Variants in CPED1 observed in about 807,000 individuals in gnomAD.
CPED1 encodes the protein cadherin-like and PC-esterase domain-containing protein 1.
Under a neutral mutation model 128.2 loss-of-function variants are expected in CPED1, and 114 were observed. The ratio of observed to expected loss-of-function variants is 0.89; its 90% confidence interval spans 0.76 to 1.04. The LOEUF (loss-of-function observed/expected upper bound fraction) is 1.04. Among genes scored for constraint, CPED1 ranks in the 50% least tolerant of loss-of-function variants. The pLI is 0.00. For missense variants in CPED1, 1,211 were observed against 1,207.1 expected (o/e 1.00, Z -0.05); for synonymous variants, 462 against 426.7 (o/e 1.08, Z -1.02).
intron 22 of CPED1, among the ~76,000 whole-genome samples, chr7:121,281,491 G>A (rs1010313874): frequency 1.3e-5 from 2 of 152,062 alleles, no homozygotes; most frequent in East Asian, 3.9e-4. Context: ...CTGTACCCAC[G>A]TTTTTAATGG....
chr7:121,099,905 T>C, intron 6 of CPED1, 21 bp from the exon 7 acceptor site: 1 of 1,473,258 alleles, frequency 6.8e-7, no homozygotes, highest in Non-Finnish European at 9.0e-7. Context: ...GAGCGCTAAC[T>C]ATGTTTTTTT....
At chr7:121,201,795 AT>A (rs1461737399) in intron 16 of CPED1, among the ~76,000 whole-genome samples, 2 of 151,962 alleles carry the variant, frequency 1.3e-5, no homozygotes, top group East Asian at 1.9e-4. Context: ...TGCAGTTTAT[AT>A]TTTTTTCTTA....
intron 2 of CPED1, among the ~76,000 whole-genome samples, chr7:120,993,231 T>G (rs556742850): frequency 5.9e-5 from 9 of 152,308 alleles, no homozygotes; most frequent in African/African-American, 1.7e-4. Flanking sequence ...AGTTTAACAT[T>G]TCATAGCACA....
At chr7:121,207,959 C>T (rs1797557610) in intron 16 of CPED1, among the ~76,000 whole-genome samples, 1 of 151,958 alleles carries the variant, frequency 6.6e-6, no homozygotes, top group Non-Finnish European at 1.5e-5. Context: ...CTGGCTCCTT[C>T]CCCACCAACC....
chr7:121,075,511 A>G (rs1176894373), intron 5 of CPED1, among the ~76,000 whole-genome samples: 3 of 152,128 alleles, frequency 2.0e-5, no homozygotes, highest in Non-Finnish European at 2.9e-5. Context: ...TCTGTCACCC[A>G]GGCTGGAGTG....
chr7:121,094,508 A>G (rs546609522), intron 5 of CPED1, among the ~76,000 whole-genome samples: 22 of 152,324 alleles, frequency 1.4e-4, no homozygotes, highest in African/African-American at 5.1e-4. Context: ...CTAACCATAG[A>G]TTGGCTTAAA....
At chr7:121,152,195 T>G (rs977929189) in intron 16 of CPED1, among the ~76,000 whole-genome samples, 1 of 152,148 alleles carries the variant, frequency 6.6e-6, no homozygotes, top group African/African-American at 2.4e-5. Flanking sequence ...AGCAATGTGG[T>G]ACAGACGTTC....
At chr7:121,004,709 T>A (rs1281269922) in intron 2 of CPED1, among the ~76,000 whole-genome samples, 2 of 152,110 alleles carry the variant, frequency 1.3e-5, no homozygotes, top group African/African-American at 4.8e-5. Context: ...ATTCAGGAAT[T>A]TCTAGGGGAA....
chr7:121,097,177 T>C (rs1224502205), intron 5 of CPED1, among the ~76,000 whole-genome samples: 1 of 152,206 alleles, frequency 6.6e-6, no homozygotes, highest in Non-Finnish European at 1.5e-5. Flanking sequence ...TATTGTTCTT[T>C]ATTTTTATAT....
chr7:121,070,308 C>A (rs1040709131), intron 5 of CPED1, among the ~76,000 whole-genome samples: 1 of 151,792 alleles, frequency 6.6e-6, no homozygotes, highest in African/African-American at 2.4e-5. Flanking sequence ...AGCAAACTTT[C>A]AGAGAAGGTT....
chr7:121,005,156 G>C (rs764556789), intron 2 of CPED1, among the ~76,000 whole-genome samples: 6 of 152,114 alleles, frequency 3.9e-5, no homozygotes, highest in African/African-American at 9.7e-5. Flanking sequence ...TTTAACTCCT[G>C]CTTATGAGCG....
intron 3 of CPED1, among the ~76,000 whole-genome samples, chr7:121,035,154 A>G (rs1420135136): frequency 1.3e-5 from 2 of 152,160 alleles, no homozygotes; most frequent in Non-Finnish European, 2.9e-5. Flanking sequence ...GGGAGGGGCT[A>G]CTTCTGGGGA....
chr7:121,174,704 G>A (rs187080319), intron 16 of CPED1, among the ~76,000 whole-genome samples: 12 of 151,922 alleles, frequency 7.9e-5, no homozygotes, highest in Non-Finnish European at 1.2e-4. Context: ...TTGGTTATTC[G>A]GGCTTTTTTG....
At chr7:121,269,983 T>C (rs1307917408) in intron 21 of CPED1, among the ~76,000 whole-genome samples, 2 of 151,644 alleles carry the variant, frequency 1.3e-5, no homozygotes, top group Admixed American at 1.3e-4. Context: ...ATGACGAGAG[T>C]GACATAATGA....
At chr7:121,280,192 G>A (rs1342028524) in intron 22 of CPED1, among the ~76,000 whole-genome samples, 1 of 152,126 alleles carries the variant, frequency 6.6e-6, no homozygotes, top group African/African-American at 2.4e-5. Context: ...AGCAAAAGAG[G>A]AATTAGCTTA....
At chr7:121,178,761 G>T (rs2116491449) in intron 16 of CPED1, among the ~76,000 whole-genome samples, 1 of 152,204 alleles carries the variant, frequency 6.6e-6, no homozygotes, top group Non-Finnish European at 1.5e-5. Context: ...ACCTTGTAGA[G>T]AATATGCTAA....
intron 3 of CPED1, among the ~76,000 whole-genome samples, chr7:121,025,413 G>T (rs1434943532): frequency 6.6e-6 from 1 of 152,150 alleles, no homozygotes; most frequent in South Asian, 2.1e-4. Flanking sequence ...AGATTTGGGC[G>T]TGAGTAGAAT....
chr7:121,189,420 GAA>G (rs1240597991), intron 16 of CPED1, among the ~76,000 whole-genome samples: 8 of 152,010 alleles, frequency 5.3e-5, no homozygotes, highest in Admixed American at 1.3e-4. Flanking sequence ...ACAGGAGAGA[GAA>G]AGAGTGAAGG....
intron 16 of CPED1, among the ~76,000 whole-genome samples, chr7:121,200,934 C>T (rs757663438): frequency 1.4e-5 from 2 of 139,770 alleles, no homozygotes; most frequent in Non-Finnish European, 3.2e-5. Flanking sequence ...AGAATATCCA[C>T]ATTAAAGGCA....
Sources: gnomAD v4.1 joint callset for allele counts (sites outside exome capture counted in the v4.1 genomes callset) on GRCh38, gnomAD v4.1.1 for gene constraint, MANE v1.5 for transcripts, NCBI Gene and HGNC (gene_info 2026-07-23, HGNC 2026-07-21) for gene names.